The following GNPTAB variants were observed in gnomAD, a reference collection of about 807,000 sequenced individuals.
GNPTAB encodes N-acetylglucosamine-1-phosphotransferase subunits alpha/beta.
In GNPTAB, 92 loss-of-function variants were observed where a neutral mutation model predicts 136.6. That is an observed-to-expected ratio of 0.67 (90% confidence interval 0.57 to 0.80). The LOEUF is 0.80. GNPTAB is among the 30% of genes least tolerant of loss of function. GNPTAB has a pLI of 0.00. For synonymous variants in GNPTAB, 512 were observed against 535.1 expected, an observed-to-expected ratio of 0.96 and a Z score of 0.60; for missense variants, 1,343 against 1,501.8, an observed-to-expected ratio of 0.89 and a Z score of 1.75.
Position 101,780,564 on chromosome 12 carries a change from C to G in GNPTAB, c.629G>C (p.Gly210Ala). The G allele has an allele frequency of 6.2e-7, 1 of 1,604,418 alleles. No homozygotes were observed. Among genetic ancestry groups the G allele is most frequent in the Non-Finnish European group, 8.5e-7 (1 of 1,171,852 alleles). The change falls in exon 6 of 21, where the codon GGC (glycine) becomes GCC (alanine). Residue 210 changes from glycine (G) to alanine (A), a missense_variant. By Grantham distance (60) the Gly-to-Ala change is moderately conservative. Transcript: ENST00000299314. ...KGNSRQTVWR[G>A]YLTTDKEVPG... ...AAATTTAAAATAACATACCAAGTAGCCCCTCCATACTGTCTGTCTGCTATT... is the reference window on the plus strand; with the variant it reads ...AAATTTAAAATAACATACCAAGTAGGCCCTCCATACTGTCTGTCTGCTATT...
At chr12:101,830,214 G>A (rs1871296546) in intron 1 of GNPTAB, among the ~76,000 whole-genome samples, 1 of 152,142 alleles carries the variant, frequency 6.6e-6, no homozygotes, top group African/African-American at 2.4e-5. Context: ...GCAACATAGG[G>A]AGACCTCCGT....
chr12:101,756,772 G>A (rs1415608289), intron 18 of GNPTAB, among the ~76,000 whole-genome samples: 2 of 152,204 alleles, frequency 1.3e-5, no homozygotes, highest in Non-Finnish European at 2.9e-5. Context: ...CCCAAAGGAT[G>A]GCTGGAGTAT....
chr12:101,817,668 AT>A (rs1226771659), intron 1 of GNPTAB, among the ~76,000 whole-genome samples: 12 of 152,140 alleles, frequency 7.9e-5, no homozygotes, highest in African/African-American at 2.9e-4. Flanking sequence ...AAAGTAATTA[AT>A]TTTTTAAATA....
chr12:101,795,923 ATTG>A (rs1049712778), intron 2 of GNPTAB: 1 of 272,398 alleles, frequency 3.7e-6, no homozygotes, highest in Non-Finnish European at 6.8e-6. Flanking sequence ...GTTGAAAAAA[ATTG>A]TTTCCATTCT....
intron 1 of GNPTAB, among the ~76,000 whole-genome samples, chr12:101,801,306 C>T (rs1869609201): frequency 7.0e-6 from 1 of 141,870 alleles, no homozygotes; most frequent in South Asian, 2.2e-4. Context: ...CTTTGGGAGG[C>T]AGAGGTGGGT....
At chr12:101,815,319 A>G in intron 1 of GNPTAB, among the ~76,000 whole-genome samples, 1 of 152,300 alleles carries the variant, frequency 6.6e-6, no homozygotes, top group East Asian at 1.9e-4. Context: ...GATTACAGGC[A>G]TGAGCCACCA....
chr12:101,751,380 TCTGTCTCCCTGGATAGA>T lies in GNPTAB; in HGVS notation c.3602+1975_3602+1991del, dbSNP rs1034315165. Among the ~76,000 whole-genome samples the T allele has an allele frequency of 3.9e-5, 6 of 152,224 alleles. No homozygotes were observed. In the East Asian group the frequency reaches 1.2e-3, roughly 29 times the overall value. The stretch of plus-strand genomic sequence containing the variant: ...ATACTGTATCACAATTTGCCTGGTA[TCTGTCTCCCTGGATAGA>T]CTGTGAGCATCTCAAGGCCTGGTAC... On this transcript the variant is annotated intron_variant, in intron 19 of 20. Coordinates refer to ENST00000299314, the MANE Select transcript of GNPTAB (RefSeq NM_024312.5).
intron 9 of GNPTAB, 24 bp from the exon 10 acceptor site, chr12:101,770,215 A>G: frequency 6.2e-7 from 1 of 1,613,000 alleles, no homozygotes; most frequent in Non-Finnish European, 8.5e-7. Flanking sequence ...CAAACAAAAA[A>G]AGAGAGTGAA....
chr12:101,759,357 C>T (rs1191119467), intron 16 of GNPTAB, among the ~76,000 whole-genome samples: 18 of 114,236 alleles, frequency 1.6e-4, no homozygotes, highest in African/African-American at 4.3e-4. Flanking sequence ...AGCGAGACTC[C>T]GTCTCAAAAA....
At chr12:101,806,198 T>C (rs1869922758) in intron 1 of GNPTAB, among the ~76,000 whole-genome samples, 1 of 152,162 alleles carries the variant, frequency 6.6e-6, no homozygotes, top group African/African-American at 2.4e-5. Context: ...CAATCAAAAC[T>C]ATTAGTCTGG....
chr12:101,796,086 G>A (rs988702945), intron 2 of GNPTAB: 2 of 603,058 alleles, frequency 3.3e-6, no homozygotes, highest in African/African-American at 3.7e-5. Context: ...CTCCCTCATA[G>A]GTAAGCAGCA....
intron 17 of GNPTAB, 87 bp from the exon 18 acceptor site, chr12:101,757,397 C>T (rs1594207348): frequency 1.5e-5 from 13 of 863,894 alleles, no homozygotes; most frequent in Non-Finnish European, 2.1e-5. Context: ...TTTTTAAAAC[C>T]GTAGTGGACT....
At chr12:101,789,895 C>T (rs777816828) in intron 3 of GNPTAB, 43 bp downstream of exon 3, 29 of 1,581,242 alleles carry the variant, frequency 1.8e-5, no homozygotes, top group African/African-American at 5.4e-5. Flanking sequence ...CTTATTACAT[C>T]GCCACATTAC....
chr12:101,826,791 G>C (rs562429432), intron 1 of GNPTAB, among the ~76,000 whole-genome samples: 2 of 152,098 alleles, frequency 1.3e-5, no homozygotes, highest in South Asian at 4.1e-4. Flanking sequence ...AAAACCAGAA[G>C]TTTCTAAGCT....
intron 2 of GNPTAB, among the ~76,000 whole-genome samples, chr12:101,793,531 T>G (rs1869112662): frequency 6.6e-6 from 1 of 152,244 alleles, no homozygotes; most frequent in Non-Finnish European, 1.5e-5. Flanking sequence ...CTGTGTGATC[T>G]GCACGAGGTC....
intron 1 of GNPTAB, among the ~76,000 whole-genome samples, chr12:101,800,639 G>A (rs1011705687): frequency 1.6e-4 from 24 of 150,396 alleles, no homozygotes; most frequent in African/African-American, 5.4e-4. Flanking sequence ...TCAGCCAGGC[G>A]TGGTGGCAGT....
chr12:101,780,352 G>A, intron 6 of GNPTAB, 66 bp from the exon 7 acceptor site: 2 of 1,529,634 alleles, frequency 1.3e-6, no homozygotes, highest in Non-Finnish European at 1.8e-6. Flanking sequence ...CTACAGCTGA[G>A]AAAACTGGTA....
In GNPTAB at chr12:101,757,594, A is replaced by C. The variant is rs761079309; in HGVS notation, c.3313T>G (p.Tyr1105Asp). The change falls in exon 17 of 21, where the codon TAT becomes GAT. Residue 1105 changes from tyrosine (Y) to aspartate (D), a missense_variant. Physicochemically the swap from Tyr to Asp is radical, Grantham distance 160. Transcript: ENST00000299314. Reference sequence around the variant, plus strand: ...TACCTATATTTGTTTTTGTCCTTATATGCTTTGTGGATTTTGTCAGTTACT... The same window carrying C: ...TACCTATATTTGTTTTTGTCCTTATCTGCTTTGTGGATTTTGTCAGTTACT... ...KPVTDKIHKA[Y>D]KDKNKYRFEI... is the part of the protein sequence containing the mutation. 1 of 1,561,720 alleles carries C rather than the reference A, an allele frequency of 6.4e-7. No homozygotes were observed. Among genetic ancestry groups the C allele is most frequent in the Non-Finnish European group, 8.8e-7 (1 of 1,132,654 alleles).
intron 1 of GNPTAB, among the ~76,000 whole-genome samples, chr12:101,813,060 TG>T (rs1161363573): frequency 6.6e-6 from 1 of 151,716 alleles, no homozygotes; most frequent in African/African-American, 2.4e-5. Context: ...CTTGAACTCC[TG>T]GACTCAAGTG....
Sources: gnomAD v4.1 joint callset for allele counts (sites outside exome capture counted in the v4.1 genomes callset) on GRCh38, gnomAD v4.1.1 for gene constraint, MANE v1.5 for transcripts, NCBI Gene and HGNC (gene_info 2026-07-23, HGNC 2026-07-21) for gene names.